The following MAST4 variants were observed in gnomAD, a reference collection of about 807,000 sequenced individuals.
The protein encoded by MAST4 is microtubule-associated serine/threonine-protein kinase 4.
In MAST4, 89 loss-of-function variants were observed where a neutral mutation model predicts 162.7. That is an observed-to-expected ratio of 0.55 (90% CI 0.46 to 0.65). The LOEUF (loss-of-function observed/expected upper bound fraction) is 0.65. MAST4 is among the 30% of genes least tolerant of loss of function. The pLI, the probability that MAST4 is intolerant of heterozygous loss-of-function variation, is 0.00. For missense variants in MAST4, 3,153 were observed against 3,374.0 expected (o/e 0.93, Z 1.62); for synonymous variants, 1,479 against 1,361.1 (o/e 1.09, Z -1.91).
intron 3 of MAST4, among the ~76,000 whole-genome samples, chr5:66,852,831 C>A (rs1333117104): frequency 2.0e-5 from 3 of 152,020 alleles, no homozygotes; most frequent in Admixed American, 6.5e-5. Context: ...ATCTTCCCTC[C>A]CTAAATAGAA....
intron 1 of MAST4, among the ~76,000 whole-genome samples, chr5:66,696,122 G>T (rs976277564): frequency 6.6e-6 from 1 of 152,104 alleles, no homozygotes; most frequent in Non-Finnish European, 1.5e-5. Context: ...AACACTGCAT[G>T]TTCTCACTTA....
chr5:67,026,808 C>T (rs759278518), intron 4 of MAST4, among the ~76,000 whole-genome samples: 4 of 152,076 alleles, frequency 2.6e-5, no homozygotes, highest in Non-Finnish European at 5.9e-5. Flanking sequence ...TTTTTAATGA[C>T]TCATGGAGCC....
chr5:67,145,495 C>T (rs1472150401), intron 23 of MAST4, 116 bp downstream of exon 23: 1 of 770,536 alleles, frequency 1.3e-6, no homozygotes, highest in African/African-American at 1.8e-5. Context: ...TGCTGCTAGA[C>T]TTTCTCCATG....
intron 7 of MAST4, among the ~76,000 whole-genome samples, chr5:67,095,963 A>G (rs1038681342): frequency 6.6e-6 from 1 of 151,622 alleles, no homozygotes; most frequent in Admixed American, 6.6e-5. Context: ...GTTCGGGGGG[A>G]AAAACACAAT....
intron 4 of MAST4, 125 bp downstream of exon 4, chr5:66,900,107 C>T (rs1580810131): frequency 1.5e-6 from 1 of 668,920 alleles, no homozygotes; most frequent in Non-Finnish European, 2.2e-6. Context: ...AAACAAAAAA[C>T]TGAATTTATT....
intron 26 of MAST4, among the ~76,000 whole-genome samples, chr5:67,159,180 T>C (rs1442007385): frequency 1.3e-5 from 2 of 152,220 alleles, no homozygotes; most frequent in African/African-American, 2.4e-5. Flanking sequence ...TTCCAAATTA[T>C]ATAATGTGCA....
intron 1 of MAST4, among the ~76,000 whole-genome samples, chr5:66,675,484 C>CT (rs1282499054): frequency 6.6e-6 from 1 of 152,120 alleles, no homozygotes; most frequent in African/African-American, 2.4e-5. Flanking sequence ...TTAGAAAGGC[C>CT]TTTCCTGAAC....
chr5:66,828,849 T>C (rs375403312), intron 3 of MAST4: 72 of 1,606,974 alleles, frequency 4.5e-5, no homozygotes, highest in Non-Finnish European at 5.8e-5. Context: ...GTGAGATGGA[T>C]GAGTCCAGCA....
intron 3 of MAST4, among the ~76,000 whole-genome samples, chr5:66,882,476 G>C (rs1761753970): frequency 6.6e-6 from 1 of 151,244 alleles, no homozygotes; most frequent in African/African-American, 2.4e-5. Context: ...CTATTATTTT[G>C]ACTTAACTGT....
intron 5 of MAST4, among the ~76,000 whole-genome samples, chr5:67,081,797 GC>G (rs879918196): frequency 2.6e-5 from 4 of 152,058 alleles, no homozygotes; most frequent in Non-Finnish European, 4.4e-5. Flanking sequence ...AAATTTCTAT[GC>G]CCCAGACATT....
At chr5:66,599,918 GGTGTGTGT>G (rs58314259) in intron 1 of MAST4, among the ~76,000 whole-genome samples, 1 of 149,974 alleles carries the variant, frequency 6.7e-6, no homozygotes, top group African/African-American at 2.4e-5. Flanking sequence ...TTTCTAAAGG[GGTGTGTGT>G]GTGTGTGTGT....
At chr5:67,153,978 G>C (rs1225373664) in intron 26 of MAST4, among the ~76,000 whole-genome samples, 8 of 152,176 alleles carry the variant, frequency 5.3e-5, no homozygotes, top group Admixed American at 5.2e-4. Context: ...TGAAGGTTTA[G>C]TCTGAGAATT....
At position 67,166,918 on chromosome 5, in the gene MAST4, G is replaced by C. The variant is rs762279328; in HGVS notation, c.7739G>C (p.Arg2580Thr). Residue 2580 changes from arginine (R) to threonine (T), a missense_variant, in exon 29 of 29, where the codon AGA becomes ACA. Arg to Thr is a moderately conservative substitution (Grantham distance 71). Coordinates refer to ENST00000403625, the MANE Select transcript of MAST4 (RefSeq NM_001164664.2). ...PPPARKQNVG[R>T]DVTKPSPAPN... ...CCAGCTAGGAAACAGAACGTGGGCA[G>C]AGACGTGACCAAGCCATCCCCAGCC... 6.2e-6 allele frequency: 10 copies of C among 1,611,542 alleles called. No individual in the cohort carries two copies. The highest frequency in any genetic ancestry group is 8.5e-6 in the Non-Finnish European group (10 of 1,179,252).
At position 66,986,803 on chromosome 5, in the gene MAST4, G is replaced by A. The variant is rs114675228; in HGVS notation, c.675-67601G>A. ...CTAATTTTTTATTTTTTAGAGATAG[G>A]GTCTCGCTATGTTGGTCAGACTGGT... On this transcript the variant is annotated intron_variant, in intron 4 of 28. Transcript: ENST00000403625. 8.1e-3 allele frequency among the ~76,000 whole-genome samples: 1,225 copies of A among 151,580 alleles called. 17 individuals carry two copies. Among genetic ancestry groups the A allele is most frequent in the African/African-American group, 0.028 (1,150 of 41,298 alleles).
At position 67,165,335 on chromosome 5, in the gene MAST4, G is replaced by GC; in HGVS notation, c.6161dup (p.Pro2055AlafsTer15). 2 of 1,613,630 alleles carry GC rather than the reference G, an allele frequency of 1.2e-6. No individual in the cohort carries two copies. The highest frequency in any genetic ancestry group is 1.7e-6 in the Non-Finnish European group (2 of 1,179,880). Reference sequence around the variant, plus strand: ...ACAAAGATGGCCCAGGTGAGGCGAGGCCCCCGCCCAGAGACAACTCCTCTC... The same window carrying GC: ...ACAAAGATGGCCCAGGTGAGGCGAGGCCCCCCGCCCAGAGACAACTCCTCTC... On this transcript the variant is annotated frameshift_variant, in exon 29 of 29. Transcript: ENST00000403625. LOFTEE classifies it low-confidence loss of function (END_TRUNC).
intron 1 of MAST4, among the ~76,000 whole-genome samples, chr5:66,717,090 G>A (rs1349739105): frequency 6.6e-6 from 1 of 152,178 alleles, no homozygotes; most frequent in Non-Finnish European, 1.5e-5. Flanking sequence ...GGACCCTGAA[G>A]AGGAGCGTTT....
chr5:66,610,941 C>T (rs941738558), intron 1 of MAST4, among the ~76,000 whole-genome samples: 3 of 152,246 alleles, frequency 2.0e-5, no homozygotes, highest in Non-Finnish European at 2.9e-5. Flanking sequence ...ATGTCTCCTA[C>T]TGCTTTTCAG....
intron 3 of MAST4, among the ~76,000 whole-genome samples, chr5:66,826,777 A>AT (rs1208703439): frequency 6.6e-6 from 1 of 152,108 alleles, no homozygotes; most frequent in East Asian, 1.9e-4. Context: ...TTGGGTCAAG[A>AT]TTTTTTCCAA....
At chr5:66,774,995 CTGTGTGTGTGTGTGTG>C (rs33936607) in intron 2 of MAST4, among the ~76,000 whole-genome samples, 161 of 142,158 alleles carry the variant, frequency 1.1e-3, no homozygotes, top group Non-Finnish European at 1.1e-3. Context: ...TATCCTTTTC[CTGTGTGTGTGTGTGTG>C]TGTGTGTGTG....
Sources: allele counts gnomAD v4.1 joint callset (sites outside exome capture counted in the v4.1 genomes callset), GRCh38; gene constraint gnomAD v4.1.1; transcripts MANE v1.5; gene names NCBI Gene and HGNC (gene_info 2026-07-23, HGNC 2026-07-21).